The following SLAMF9 variants were observed in gnomAD, a reference collection of about 807,000 sequenced individuals.
SLAMF9 encodes the protein SLAM family member 9.
A neutral mutation model predicts 30.4 loss-of-function variants in SLAMF9; 25 were observed. The ratio of observed to expected loss-of-function variants is 0.82; its 90% CI spans 0.60 to 1.15. SLAMF9 has a LOEUF of 1.15. SLAMF9 is among the 50% of genes most tolerant of loss of function. SLAMF9 has a pLI of 0.00. For synonymous variants in SLAMF9, 129 were observed against 127.2 expected (o/e 1.01, Z -0.09); for missense variants, 344 against 346.1 (o/e 0.99, Z 0.05).
At chr1:159,982,127 G>A in the SLAMF9 span, among the ~76,000 whole-genome samples, 2 of 152,174 alleles carry the variant, frequency 1.3e-5, no homozygotes, top group Non-Finnish European at 2.9e-5. Context: ...CACTGTTAGA[G>A]TCCTCCTCCT....
the SLAMF9 span, among the ~76,000 whole-genome samples, chr1:159,965,878 T>A: frequency 2.8e-4 from 42 of 152,384 alleles, no homozygotes; most frequent in Non-Finnish European, 6.0e-4. Context: ...TACAATGTGA[T>A]GTTTTGATAT....
upstream of SLAMF9, among the ~76,000 whole-genome samples, chr1:159,955,674 A>T (rs1477396111): frequency 6.6e-6 from 1 of 152,248 alleles, no homozygotes; most frequent in Non-Finnish European, 1.5e-5. Context: ...TGGACAAGTA[A>T]CTACAAGTTT....
chr1:159,963,748 C>A, the SLAMF9 span, among the ~76,000 whole-genome samples: 1 of 152,144 alleles, frequency 6.6e-6, no homozygotes, highest in Non-Finnish European at 1.5e-5. Flanking sequence ...GCATCATAAT[C>A]AAGCTGAGAG....
the SLAMF9 span, among the ~76,000 whole-genome samples, chr1:159,974,830 G>A: frequency 3.3e-5 from 5 of 152,308 alleles, no homozygotes; most frequent in Admixed American, 6.5e-5. Context: ...TGGCAGAAAT[G>A]GGGCTCATGG....
the SLAMF9 span, among the ~76,000 whole-genome samples, chr1:159,982,417 C>T: frequency 6.6e-6 from 1 of 152,284 alleles, no homozygotes; most frequent in Non-Finnish European, 1.5e-5. Context: ...TCCTGCCGCA[C>T]ACTCACTCAC....
chr1:159,971,510 T>C, the SLAMF9 span, among the ~76,000 whole-genome samples: 1 of 152,186 alleles, frequency 6.6e-6, no homozygotes, highest in African/African-American at 2.4e-5. Flanking sequence ...GGACCCTCTG[T>C]GCTCATAGCC....
chr1:159,982,446 C>G, the SLAMF9 span, among the ~76,000 whole-genome samples: 1 of 152,162 alleles, frequency 6.6e-6, no homozygotes, highest in Non-Finnish European at 1.5e-5. Context: ...ACACACTTCT[C>G]CCAGTGATCT....
At chr1:159,973,592 C>A in the SLAMF9 span, among the ~76,000 whole-genome samples, 68 of 152,310 alleles carry the variant, frequency 4.5e-4, no homozygotes, top group Admixed American at 3.9e-4. Context: ...GAATCTCCCC[C>A]CTCCTTCCCC....
chr1:159,960,827 G>A, the SLAMF9 span, among the ~76,000 whole-genome samples: 4 of 152,162 alleles, frequency 2.6e-5, no homozygotes, highest in East Asian at 5.8e-4. Context: ...TTGGGGGGGT[G>A]CAGCTGAGGG....
chr1:159,975,227 C>T, the SLAMF9 span, among the ~76,000 whole-genome samples: 3 of 152,052 alleles, frequency 2.0e-5, no homozygotes, highest in South Asian at 2.1e-4. Context: ...GCCAGGCCCT[C>T]GGATATATGC....
chr1:159,952,014 G>T, intron 3 of SLAMF9, 148 bp from the exon 4 acceptor site: 1 of 739,700 alleles, frequency 1.4e-6, no homozygotes, highest in Non-Finnish European at 2.2e-6. Context: ...TATATTCTAT[G>T]CACAGAAGCT....
upstream of SLAMF9, among the ~76,000 whole-genome samples, chr1:159,954,810 G>A (rs1651887418): frequency 6.6e-6 from 1 of 152,202 alleles, no homozygotes; most frequent in Non-Finnish European, 1.5e-5. Flanking sequence ...CGGGTGCAAT[G>A]GCTCACATCT....
At chr1:159,962,618 G>A in the SLAMF9 span, among the ~76,000 whole-genome samples, 6 of 152,120 alleles carry the variant, frequency 3.9e-5, no homozygotes, top group Admixed American at 2.0e-4. Flanking sequence ...ATGGGCCTCG[G>A]CTATAATGAG....
chr1:159,957,654 G>C (rs1290501635), upstream of SLAMF9, among the ~76,000 whole-genome samples: 1 of 152,134 alleles, frequency 6.6e-6, no homozygotes, highest in Non-Finnish European at 1.5e-5. Context: ...TAGATTTTCA[G>C]TGTTCTTACC....
At chr1:159,957,817 AG>A (rs1319269665), upstream of SLAMF9, among the ~76,000 whole-genome samples, 2 of 152,206 alleles carry the variant, frequency 1.3e-5, no homozygotes, top group Non-Finnish European at 2.9e-5. Context: ...AATAAAAGCA[AG>A]GAAAGAAAAG....
the SLAMF9 span, among the ~76,000 whole-genome samples, chr1:159,971,990 A>C: frequency 6.6e-6 from 1 of 152,162 alleles, no homozygotes; most frequent in Non-Finnish European, 1.5e-5. Flanking sequence ...CTCCCTCTGC[A>C]GAACAGCATA....
chr1:159,954,707 C>T (rs915968919), upstream of SLAMF9, among the ~76,000 whole-genome samples: 2 of 152,152 alleles, frequency 1.3e-5, no homozygotes, highest in Non-Finnish European at 2.9e-5. Context: ...AATGATTAAG[C>T]CTTTTTATTT....
the SLAMF9 span, among the ~76,000 whole-genome samples, chr1:159,967,631 G>A: frequency 7.9e-5 from 12 of 152,018 alleles, no homozygotes; most frequent in Non-Finnish European, 1.6e-4. Flanking sequence ...TTTCTATTTC[G>A]CGAAGAGTGG....
At chr1:159,969,549 C>G in the SLAMF9 span, among the ~76,000 whole-genome samples, 1 of 152,186 alleles carries the variant, frequency 6.6e-6, no homozygotes, top group East Asian at 1.9e-4. Flanking sequence ...TAGGGAGCCC[C>G]TCTGCTCGGG....
Sources: gnomAD v4.1 joint callset for allele counts (sites outside exome capture counted in the v4.1 genomes callset) on GRCh38, gnomAD v4.1.1 for gene constraint, MANE v1.5 for transcripts, NCBI Gene and HGNC (gene_info 2026-07-23, HGNC 2026-07-21) for gene names.